Variants in LAMA4 observed in about 807,000 individuals in gnomAD.
The protein encoded by LAMA4 is laminin subunit alpha 4.
LAMA4 carries 127 observed loss-of-function variants against 207.1 expected under a neutral mutation model. The observed-to-expected ratio is 0.61, with a 90% CI of 0.53 to 0.71. The LOEUF is 0.71. Ranked by LOEUF, LAMA4 falls within the 30% of genes least tolerant of loss-of-function variation. The pLI is 0.00. For missense variants in LAMA4, 2,093 were observed against 2,246.5 expected (o/e 0.93, Z 1.38); for synonymous variants, 761 against 816.0 (o/e 0.93, Z 1.15).
intron 8 of LAMA4, 150 bp from the exon 9 acceptor site, chr6:112,185,497 T>G: frequency 1.6e-6 from 1 of 637,058 alleles, no homozygotes; most frequent in Non-Finnish European, 2.8e-6. Context: ...CAGCCTGATA[T>G]GAAGGGTGGG....
At chr6:112,173,515 C>T (rs562599179) in intron 11 of LAMA4, among the ~76,000 whole-genome samples, 20 of 152,136 alleles carry the variant, frequency 1.3e-4, no homozygotes, top group Admixed American at 3.9e-4. Context: ...GGAAGGAGGC[C>T]GAGTGGGAGA....
At chr6:112,143,687 T>C (rs912104688) in intron 19 of LAMA4, among the ~76,000 whole-genome samples, 3 of 152,206 alleles carry the variant, frequency 2.0e-5, no homozygotes, top group African/African-American at 7.2e-5. Flanking sequence ...AGCATCCCAC[T>C]TGGGGGCACT....
intron 3 of LAMA4, among the ~76,000 whole-genome samples, 153 bp from the exon 4 acceptor site, chr6:112,207,298 A>G (rs1463547984): frequency 6.6e-6 from 1 of 152,210 alleles, no homozygotes; most frequent in Non-Finnish European, 1.5e-5. Context: ...ATGAGGAGTC[A>G]CACTGGCCCC....
chr6:112,223,295 A>G lies in LAMA4; in HGVS notation c.196-6826T>C, dbSNP rs73546234. ...GCGGCACACAAGGGTTAGCAATAAG[A>G]ATGAGTAGAGAGAAAGGACTTCAGA... On this transcript the variant is annotated intron_variant, in intron 2 of 38. Coordinates refer to ENST00000230538, the MANE Select transcript of LAMA4 (RefSeq NM_001105206.3). 7.8e-3 allele frequency among the ~76,000 whole-genome samples: 1,187 copies of G among 152,296 alleles called. 22 individuals are homozygous for G. The highest frequency in any genetic ancestry group is 0.027 in the African/African-American group (1,103 of 41,544).
intron 2 of LAMA4, among the ~76,000 whole-genome samples, chr6:112,221,062 G>A (rs914637950): frequency 6.6e-6 from 1 of 152,094 alleles, no homozygotes. Context: ...GGGATCTAAG[G>A]TCCCTAATTA....
At chr6:112,164,943 A>T (rs1781296380) in intron 13 of LAMA4, among the ~76,000 whole-genome samples, 1 of 152,230 alleles carries the variant, frequency 6.6e-6, no homozygotes, top group African/African-American at 2.4e-5. Flanking sequence ...CTGAAGAATT[A>T]AAATTTTAAT....
chr6:112,122,294 T>G (rs1778410820), intron 31 of LAMA4, 93 bp from the exon 32 acceptor site: 1 of 933,680 alleles, frequency 1.1e-6, no homozygotes, highest in Non-Finnish European at 1.7e-6. Context: ...GATAAAAAAT[T>G]ATATATTATT....
At chr6:112,127,097 T>C (rs1184459069) in intron 31 of LAMA4, among the ~76,000 whole-genome samples, 2 of 152,208 alleles carry the variant, frequency 1.3e-5, no homozygotes, top group Non-Finnish European at 2.9e-5. Context: ...AACCCTATGA[T>C]GCAGATAGCT....
intron 2 of LAMA4, among the ~76,000 whole-genome samples, chr6:112,240,954 A>T (rs1162160071): frequency 6.7e-6 from 1 of 149,486 alleles, no homozygotes; most frequent in African/African-American, 2.5e-5. Context: ...TTTATTTTTT[A>T]TTTTTTTTAG....
intron 29 of LAMA4, 87 bp downstream of exon 29, chr6:112,130,881 G>T: frequency 7.1e-7 from 1 of 1,411,194 alleles, no homozygotes; most frequent in Non-Finnish European, 1.0e-6. Context: ...AAAAGTTATA[G>T]GACAGCCTAT....
intron 25 of LAMA4, among the ~76,000 whole-genome samples, chr6:112,135,328 C>G (rs1779276490): frequency 6.6e-6 from 1 of 152,172 alleles, no homozygotes; most frequent in South Asian, 2.1e-4. Context: ...CAAGCAGGTG[C>G]CTTCTGGAAT....
At chr6:112,216,282 C>G (rs1784620326) in intron 3 of LAMA4, 86 bp downstream of exon 3, 8 of 937,024 alleles carry the variant, frequency 8.5e-6, no homozygotes, top group Non-Finnish European at 1.1e-5. Context: ...TCCTATGTGG[C>G]TCAAACATCC....
intron 5 of LAMA4, among the ~76,000 whole-genome samples, 176 bp from the exon 6 acceptor site, chr6:112,192,026 T>G (rs1783151049): frequency 6.6e-6 from 1 of 152,206 alleles, no homozygotes. Flanking sequence ...GAACTACCCC[T>G]CCCCATTATG....
chr6:112,204,517 T>C (rs1783941472), intron 4 of LAMA4, among the ~76,000 whole-genome samples: 1 of 150,936 alleles, frequency 6.6e-6, no homozygotes, highest in Admixed American at 6.6e-5. Context: ...CCTATAAACC[T>C]TTTCTGAGCA....
intron 7 of LAMA4, among the ~76,000 whole-genome samples, chr6:112,188,410 TA>T (rs1782820847): frequency 6.6e-6 from 1 of 152,218 alleles, no homozygotes; most frequent in Admixed American, 6.5e-5. Context: ...AATCAGGGTG[TA>T]AACTTGGCAT....
At chr6:112,190,376 T>A (rs1168657565) in intron 6 of LAMA4, among the ~76,000 whole-genome samples, 2 of 152,224 alleles carry the variant, frequency 1.3e-5, no homozygotes, top group Admixed American at 1.3e-4. Flanking sequence ...CATGTTTACT[T>A]TTATTGTGAC....
Position 112,115,923 on chromosome 6 carries a change from G to A in LAMA4, c.5052C>T (p.Thr1684=). The stretch of plus-strand genomic sequence containing the variant: ...CATTGACACTGTGGCCGTGGACCAG[G>A]GTTCCGGAACTGCTTCTGGGACGGA... ...FEVRPRSSSG[T]LVHGHSVNGE... Residue 1684 remains threonine, a synonymous_variant, in exon 36 of 39, where the codon ACC becomes ACT. Coordinates refer to ENST00000230538, the MANE Select transcript of LAMA4 (RefSeq NM_001105206.3). 1 of 1,613,432 alleles carries A rather than the reference G, an allele frequency of 6.2e-7. No homozygotes were observed. Among genetic ancestry groups the A allele is most frequent in the Non-Finnish European group, 8.5e-7 (1 of 1,179,562 alleles).
intron 13 of LAMA4, among the ~76,000 whole-genome samples, chr6:112,160,940 T>C (rs2114807752): frequency 6.6e-6 from 1 of 152,342 alleles, no homozygotes; most frequent in South Asian, 2.1e-4. Context: ...TTTCTAAGCA[T>C]GACATCATCA....
intron 38 of LAMA4, 89 bp from the exon 39 acceptor site, chr6:112,109,671 T>C (rs1327982875): frequency 7.9e-7 from 1 of 1,271,044 alleles, no homozygotes; most frequent in Non-Finnish European, 1.1e-6. Flanking sequence ...ACATATTTGC[T>C]CATATCATCA....
Sources: allele counts gnomAD v4.1 joint callset (sites outside exome capture counted in the v4.1 genomes callset), GRCh38; gene constraint gnomAD v4.1.1; transcripts MANE v1.5; gene names NCBI Gene and HGNC (gene_info 2026-07-23, HGNC 2026-07-21).